POTEF: variants seen among roughly 807,000 people sequenced by gnomAD.
POTEF encodes the protein ANKRD26-like family C member 1B.
Under a neutral mutation model 83.2 loss-of-function variants are expected in POTEF, and 20 were observed. The observed-to-expected ratio is 0.24, with a 90% CI of 0.17 to 0.35. POTEF has a LOEUF of 0.35. POTEF is among the 10% of genes least tolerant of loss of function. The pLI is 1.00. For missense variants in POTEF, 550 were observed against 1,203.2 expected (o/e 0.46, Z 8.03); for synonymous variants, 196 against 446.4 (o/e 0.44, Z 7.07).
intron 3 of POTEF, among the ~76,000 whole-genome samples, chr2:130,119,309 G>A (rs1263088184): frequency 4.0e-5 from 6 of 151,716 alleles, no homozygotes; most frequent in South Asian, 2.1e-4. Context: ...GACTACAGGC[G>A]TCTACCACCG....
chr2:130,103,355 T>C (rs1183427058), intron 8 of POTEF, among the ~76,000 whole-genome samples: 1 of 150,722 alleles, frequency 6.6e-6, no homozygotes, highest in Non-Finnish European at 1.5e-5. Context: ...TGCTCCAGCC[T>C]CCCAAAATGC....
chr2:130,103,599 A>C (rs927347804), intron 8 of POTEF, among the ~76,000 whole-genome samples: 1 of 148,144 alleles, frequency 6.8e-6, no homozygotes, highest in Non-Finnish European at 1.5e-5. Flanking sequence ...GACAGTCTTG[A>C]GCATCATCTT....
rs10183148 is a variant in POTEF at position 130,117,781 on chromosome 2, T to C, written c.521+2214A>G. Among the ~76,000 whole-genome samples the C allele has an allele frequency of 2.0e-3, 299 of 152,152 alleles. 4 individuals are homozygous for C. Among genetic ancestry groups the C allele is most frequent in the African/African-American group, 6.7e-3 (278 of 41,394 alleles). On this transcript the variant is annotated intron_variant, in intron 3 of 16. Transcript: ENST00000409914. Reference sequence around the variant, plus strand: ...GTAAAGATATTTCAGTATAATGGAATTGATGAGTAAAAAGCATAACATTTT... The same window carrying C: ...GTAAAGATATTTCAGTATAATGGAACTGATGAGTAAAAAGCATAACATTTT...
At chr2:130,108,417 C>T (rs1195722511) in intron 7 of POTEF, among the ~76,000 whole-genome samples, 1 of 152,040 alleles carries the variant, frequency 6.6e-6, no homozygotes, top group African/African-American at 2.4e-5. Flanking sequence ...TTCTCTTAGG[C>T]TCAATGTCTT....
At chr2:130,113,979 T>C (rs568398197) in intron 5 of POTEF, among the ~76,000 whole-genome samples, 3 of 152,180 alleles carry the variant, frequency 2.0e-5, no homozygotes, top group Non-Finnish European at 2.9e-5. Context: ...CAACTTGATC[T>C]TGTTACTTGT....
Position 130,116,121 on chromosome 2 carries a change from C to G in POTEF, c.522-793G>C, listed in dbSNP as rs866174765. On this transcript the variant is annotated intron_variant, in intron 3 of 16. Coordinates refer to ENST00000409914, the MANE Select transcript of POTEF (RefSeq NM_001099771.2). ...TGGAATAAGAAAGCTGAGGTGAAAA[C>G]AAAAACAAATTTCTAAAATAAACCA... Among the ~76,000 whole-genome samples the G allele has an allele frequency of 5.9e-5, 9 of 152,018 alleles. No homozygotes were observed. The South Asian group carries it at 1.5e-3, about 25-fold the overall frequency.
intron 1 of POTEF, 34 bp from the exon 2 acceptor site, chr2:130,127,898 G>C (rs556776317): frequency 7.7e-4 from 110 of 142,642 alleles, no homozygotes; most frequent in African/African-American, 2.9e-3. Flanking sequence ...TAACGTTAGA[G>C]CCTCACCTTG....
intron 8 of POTEF, among the ~76,000 whole-genome samples, chr2:130,106,786 ATTGT>A (rs1179470884): frequency 1.5e-5 from 2 of 131,058 alleles, no homozygotes; most frequent in African/African-American, 6.3e-5. Flanking sequence ...TGTATTTTTA[ATTGT>A]TTGTGGTCTA....
At position 130,120,536 on chromosome 2, in the gene POTEF, A is replaced by AAGCCAGTAGT; in HGVS notation, c.-31_-22dup. On this transcript the variant is annotated 5_prime_UTR_variant, in exon 3 of 17. Transcript: ENST00000409914. ...ACCATCTGCTTTTAACAGCCAGGAGAAGCCAGTAGTAGCCAACAGATCGCG... is the reference window on the plus strand; with the variant it reads ...ACCATCTGCTTTTAACAGCCAGGAGAAGCCAGTAGTAGCCAGTAGTAGCCAACAGATCGCG... 6.2e-7 allele frequency: 1 copy of AAGCCAGTAGT among 1,611,970 alleles called. No individual in the cohort carries two copies. The highest frequency in any genetic ancestry group is 8.5e-7 in the Non-Finnish European group (1 of 1,179,554).
chr2:130,113,559 C>A (rs1383920002), intron 5 of POTEF, among the ~76,000 whole-genome samples: 1 of 104,950 alleles, frequency 9.5e-6, no homozygotes, highest in Admixed American at 1.2e-4. Context: ...GAGACAGGGT[C>A]TCATTATGTT....
chr2:130,108,279 T>C lies in POTEF; in HGVS notation c.1056-200A>G, dbSNP rs368012188. Among the ~76,000 whole-genome samples, 76 of 151,214 alleles carry C rather than the reference T, an allele frequency of 5.0e-4. 1 individual carries two copies. In the East Asian group the frequency reaches 7.7e-3, roughly 15 times the overall value. On this transcript the variant is annotated intron_variant, in intron 7 of 16. Coordinates refer to ENST00000409914, the MANE Select transcript of POTEF (RefSeq NM_001099771.2). Reference sequence around the variant, plus strand: ...AAGAAGAAAAAAATGTAAGGTGAAATAGTCATAAATCGAGGGCACTGTGAC... The same window carrying C: ...AAGAAGAAAAAAATGTAAGGTGAAACAGTCATAAATCGAGGGCACTGTGAC...
At position 130,114,097 on chromosome 2, in the gene POTEF, T is replaced by C. The variant is rs1405218581; in HGVS notation, c.810+784A>G. ...TACTAAGTCAGTTAATTACTTGATATTCCCTCTGCTCAAGGGTTTCCTCTT... is the reference window on the plus strand; with the variant it reads ...TACTAAGTCAGTTAATTACTTGATACTCCCTCTGCTCAAGGGTTTCCTCTT... On this transcript the variant is annotated intron_variant, in intron 5 of 16. Transcript: ENST00000409914. Among the ~76,000 whole-genome samples the C allele has an allele frequency of 2.6e-5, 4 of 151,702 alleles. No homozygotes were observed. The South Asian group carries it at 8.3e-4, about 32-fold the overall frequency.
intron 2 of POTEF, among the ~76,000 whole-genome samples, chr2:130,121,624 G>GCAGTGTATA (rs1249926372): frequency 1.4e-4 from 9 of 63,146 alleles, no homozygotes; most frequent in Admixed American, 1.1e-3. Context: ...CTGCCCCGGT[G>GCAGTGTATA]CAGTGTATAC....
intron 5 of POTEF, among the ~76,000 whole-genome samples, chr2:130,114,025 T>G (rs1684778761): frequency 2.0e-5 from 3 of 152,068 alleles, no homozygotes; most frequent in Admixed American, 2.0e-4. Context: ...ACTCTAGATT[T>G]GAAAGCAGAG....
chr2:130,121,204 G>T (rs1458829794), intron 2 of POTEF, among the ~76,000 whole-genome samples: 1 of 150,210 alleles, frequency 6.7e-6, no homozygotes, highest in Non-Finnish European at 1.5e-5. Flanking sequence ...CATGCAACGC[G>T]CCTGCTTAAG....
intron 16 of POTEF, among the ~76,000 whole-genome samples, chr2:130,075,973 C>CT (rs1338016073): frequency 1.4e-5 from 2 of 143,898 alleles, no homozygotes; most frequent in African/African-American, 2.6e-5. Flanking sequence ...GGTTTACACT[C>CT]TGATATCTAA....
Position 130,120,027 on chromosome 2 carries a change from G to A in POTEF, c.489C>T (p.Asp163=). 1 of 1,330,470 alleles carries A rather than the reference G, an allele frequency of 7.5e-7. No homozygotes were observed. Among genetic ancestry groups the A allele is most frequent in the Non-Finnish European group, 1.0e-6 (1 of 956,192 alleles). The allele number at this position is 1,330,470 out of a possible 1,614,324, so 82.4% of individuals were successfully genotyped here. A position where few individuals can be genotyped will look rare whatever the true frequency, so the allele number is the denominator to read the frequency against. The change falls in exon 3 of 17, where the codon GAC becomes GAT. Residue 163 remains aspartate, a synonymous_variant. Transcript: ENST00000409914. ...PRKDLIVMLR[D]TDVNKQDKQK... ...GCTTGTCCTGCTTGTTCACGTCAGTGTCCCTGAGCATGACGATGAGATCCT... is the reference window on the plus strand; with the variant it reads ...GCTTGTCCTGCTTGTTCACGTCAGTATCCCTGAGCATGACGATGAGATCCT...
At chr2:130,119,018 A>G (rs1684922446) in intron 3 of POTEF, among the ~76,000 whole-genome samples, 4 of 151,950 alleles carry the variant, frequency 2.6e-5, no homozygotes, top group Admixed American at 1.3e-4. Flanking sequence ...GCACATTTTG[A>G]TATCTGGAAA....
chr2:130,109,800 A>G (rs1395173562), intron 7 of POTEF: 1 of 151,722 alleles, frequency 6.6e-6, no homozygotes, highest in East Asian at 1.9e-4. Flanking sequence ...TAGGTTCTGA[A>G]TATGCGGGGA....
Sources: allele counts gnomAD v4.1 joint callset (sites outside exome capture counted in the v4.1 genomes callset), GRCh38; gene constraint gnomAD v4.1.1; transcripts MANE v1.5; gene names NCBI Gene and HGNC (gene_info 2026-07-23, HGNC 2026-07-21).